Variants in PACSIN2 observed in about 807,000 individuals in gnomAD.
The protein encoded by PACSIN2 is protein kinase C and casein kinase substrate in neurons protein 2.
A neutral mutation model predicts 63.8 loss-of-function variants in PACSIN2; 25 were observed. The observed-to-expected ratio is 0.39, with a 90% CI of 0.29 to 0.55. PACSIN2 has a LOEUF of 0.55. PACSIN2 is among the 20% of genes least tolerant of loss of function. PACSIN2 has a pLI of 0.62. For synonymous variants in PACSIN2, 255 were observed against 256.2 expected (o/e 1.00, Z 0.05); for missense variants, 518 against 646.9 (o/e 0.80, Z 2.16).
At chr22:42,894,492 C>T (rs1930142974) in intron 2 of PACSIN2, among the ~76,000 whole-genome samples, 1 of 152,228 alleles carries the variant, frequency 6.6e-6, no homozygotes, top group African/African-American at 2.4e-5. Flanking sequence ...CCACCCACAT[C>T]AGCCTCCCAA....
intron 5 of PACSIN2, among the ~76,000 whole-genome samples, chr22:42,885,166 C>T (rs1316844135): frequency 6.6e-6 from 1 of 152,194 alleles, no homozygotes; most frequent in Non-Finnish European, 1.5e-5. Flanking sequence ...GCAGGTGTGG[C>T]CTATCTCAAG....
intron 1 of PACSIN2, among the ~76,000 whole-genome samples, chr22:42,994,419 AC>A (rs1216738734): frequency 6.6e-6 from 1 of 152,062 alleles, no homozygotes; most frequent in Non-Finnish European, 1.5e-5. Context: ...GTCCTGCGCC[AC>A]AAAGACCCTC....
intron 1 of PACSIN2, among the ~76,000 whole-genome samples, chr22:42,994,664 CA>C (rs920993468): frequency 9.9e-5 from 15 of 152,210 alleles, no homozygotes; most frequent in Admixed American, 7.9e-4. Flanking sequence ...AAGGGAGAGG[CA>C]CAAGTTTTAG....
At chr22:42,987,493 CCCAT>C (rs10541169) in intron 1 of PACSIN2, among the ~76,000 whole-genome samples, 20,646 of 89,812 alleles carry the variant, frequency 0.23, 2,023 homozygotes, top group Non-Finnish European at 0.26. Context: ...CACACACACA[CCCAT>C]GGCACCATGT....
At chr22:42,906,094 A>C (rs1361980194) in intron 2 of PACSIN2, among the ~76,000 whole-genome samples, 2 of 152,244 alleles carry the variant, frequency 1.3e-5, no homozygotes, top group Non-Finnish European at 2.9e-5. Context: ...TGTCCAAGGG[A>C]AATGGCAGTC....
chr22:42,932,651 C>CA (rs1478622736), intron 1 of PACSIN2, among the ~76,000 whole-genome samples: 1 of 151,218 alleles, frequency 6.6e-6, no homozygotes, highest in African/African-American at 2.4e-5. Context: ...TCTTGGATTA[C>CA]ACAGGAGAGA....
chr22:42,973,623 G>C (rs999772665), intron 1 of PACSIN2, among the ~76,000 whole-genome samples: 4 of 152,196 alleles, frequency 2.6e-5, no homozygotes, highest in Admixed American at 6.5e-5. Context: ...GCCTGTCTCC[G>C]CCCAGGTGTG....
rs188161270 is a variant in PACSIN2, at chr22:42,933,232, C to T, written c.-77-21075G>A. Among the ~76,000 whole-genome samples, 4 of 152,284 alleles carry T rather than the reference C, an allele frequency of 2.6e-5. No individual in the cohort carries two copies. In the East Asian group the frequency reaches 7.7e-4, roughly 29 times the overall value. Reference sequence around the variant, plus strand: ...CTATCTCTATGGTTCCATATACCTCCCCAACTTTCCTTAAATCCTGAACAA... The same window carrying T: ...CTATCTCTATGGTTCCATATACCTCTCCAACTTTCCTTAAATCCTGAACAA... On this transcript the variant is annotated intron_variant, in intron 1 of 10. Coordinates refer to ENST00000263246, the MANE Select transcript of PACSIN2 (RefSeq NM_001184970.3).
rs185282751 is a variant in PACSIN2, at chr22:42,874,446, T to C, written c.1348+1691A>G. 5.9e-5 allele frequency among the ~76,000 whole-genome samples: 9 copies of C among 152,232 alleles called. No individual in the cohort carries two copies. In the East Asian group the frequency reaches 9.7e-4, roughly 16 times the overall value. On this transcript the variant is annotated intron_variant, in intron 10 of 10. Transcript: ENST00000263246. The stretch of plus-strand genomic sequence containing the variant: ...TCCAGGCTGTTTTATAAAACTATGG[T>C]TTCTGCTCCTAGCAACACAGATATG...
chr22:42,894,902 G>T (rs552456440), intron 2 of PACSIN2, among the ~76,000 whole-genome samples: 6 of 150,052 alleles, frequency 4.0e-5, no homozygotes, highest in Non-Finnish European at 7.4e-5. Context: ...TCTTTGCCTG[G>T]CCCTGCACAG....
At chr22:42,909,560 T>C (rs565783638) in intron 2 of PACSIN2, 4 of 471,044 alleles carry the variant, frequency 8.5e-6, no homozygotes, top group East Asian at 6.9e-5. Flanking sequence ...GCGGAGTTGA[T>C]ACCAGCTGGA....
intron 1 of PACSIN2, chr22:42,993,829 A>T (rs1156805624): frequency 6.6e-6 from 1 of 152,168 alleles, no homozygotes; most frequent in African/African-American, 2.4e-5. Context: ...GGACCCAGAC[A>T]TCACTTCCCT....
intron 1 of PACSIN2, among the ~76,000 whole-genome samples, chr22:42,954,033 G>A (rs1348334936): frequency 6.6e-6 from 1 of 152,144 alleles, no homozygotes; most frequent in Non-Finnish European, 1.5e-5. Context: ...GGCTGAGGCA[G>A]GCAGATCACT....
intron 1 of PACSIN2, among the ~76,000 whole-genome samples, chr22:42,912,774 G>A (rs1319732537): frequency 6.6e-6 from 1 of 152,200 alleles, no homozygotes; most frequent in Non-Finnish European, 1.5e-5. Flanking sequence ...CACCTTGCTA[G>A]TGTGATGACC....
chr22:42,975,048 G>A (rs1229333460), intron 1 of PACSIN2, among the ~76,000 whole-genome samples: 3 of 152,168 alleles, frequency 2.0e-5, no homozygotes, highest in Admixed American at 6.5e-5. Flanking sequence ...CACTGCAGAT[G>A]AGCTCTAGTC....
At chr22:42,987,913 GGC>G (rs1922750185) in intron 1 of PACSIN2, among the ~76,000 whole-genome samples, 1 of 152,034 alleles carries the variant, frequency 6.6e-6, no homozygotes, top group Non-Finnish European at 1.5e-5. Context: ...GGCTGAGGCG[GGC>G]AGATCACTTG....
At position 42,935,454 on chromosome 22, in the gene PACSIN2, CTAGGG is replaced by C. The variant is rs1569294720; in HGVS notation, c.-77-23302_-77-23298del. On this transcript the variant is annotated intron_variant, in intron 1 of 10. Transcript: ENST00000263246. ...CATGGCTCCAGACTCATGGTCTTGT[CTAGGG>C]TCAGAGCACCAAAAAACTTGTTTCC... Among the ~76,000 whole-genome samples, 4 of 152,236 alleles carry C rather than the reference CTAGGG, an allele frequency of 2.6e-5. No individual in the cohort carries two copies. The South Asian group carries it at 8.3e-4, about 32-fold the overall frequency.
chr22:42,899,118 G>A (rs1364758288), intron 2 of PACSIN2, among the ~76,000 whole-genome samples: 1 of 152,020 alleles, frequency 6.6e-6, no homozygotes, highest in Non-Finnish European at 1.5e-5. Flanking sequence ...GCCCTAAGAG[G>A]GTGTGGACCT....
intron 7 of PACSIN2, among the ~76,000 whole-genome samples, chr22:42,879,426 A>G (rs1200626990): frequency 1.3e-5 from 2 of 152,052 alleles, no homozygotes; most frequent in African/African-American, 2.4e-5. Flanking sequence ...CACCTCTACA[A>G]CCACCCCCAG....
Sources: allele counts gnomAD v4.1 joint callset (sites outside exome capture counted in the v4.1 genomes callset), GRCh38; gene constraint gnomAD v4.1.1; transcripts MANE v1.5; gene names NCBI Gene and HGNC (gene_info 2026-07-23, HGNC 2026-07-21).